GRAMD2A: variants seen among roughly 807,000 people sequenced by gnomAD.
GRAMD2A encodes GRAM domain-containing protein 2A.
In GRAMD2A, 37 loss-of-function variants were observed where a neutral mutation model predicts 51.1. The ratio of observed to expected loss-of-function variants is 0.72; its 90% CI spans 0.56 to 0.95. The LOEUF is 0.95. Ranked by LOEUF, GRAMD2A falls within the 40% of genes least tolerant of loss-of-function variation. GRAMD2A has a pLI of 0.00. For missense variants in GRAMD2A, 414 were observed against 426.9 expected (o/e 0.97, Z 0.27); for synonymous variants, 136 against 157.1 (o/e 0.87, Z 1.01).
chr15:72,171,295 T>C (rs927198455), intron 1 of GRAMD2A, among the ~76,000 whole-genome samples: 12 of 152,032 alleles, frequency 7.9e-5, no homozygotes, highest in East Asian at 3.8e-4. Flanking sequence ...TTTTTTTTTT[T>C]CCCTTGATTT....
chr15:72,172,266 G>A (rs1319600668), intron 1 of GRAMD2A, among the ~76,000 whole-genome samples: 1 of 151,866 alleles, frequency 6.6e-6, no homozygotes, highest in Non-Finnish European at 1.5e-5. Context: ...CTACAGGAAT[G>A]CTCCACCATG....
intron 7 of GRAMD2A, among the ~76,000 whole-genome samples, chr15:72,165,750 T>G (rs2081535869): frequency 6.6e-6 from 1 of 152,192 alleles, no homozygotes; most frequent in Admixed American, 6.5e-5. Flanking sequence ...GTCCCTGACC[T>G]ACGATGGTTC....
chr15:72,164,642 C>T (rs1474820046), intron 8 of GRAMD2A, among the ~76,000 whole-genome samples: 1 of 152,090 alleles, frequency 6.6e-6, no homozygotes, highest in African/African-American at 2.4e-5. Context: ...CGGGCTCAAG[C>T]CATCCTCCTG....
At chr15:72,190,820 A>G (rs149555910) in intron 1 of GRAMD2A, among the ~76,000 whole-genome samples, 13 of 152,296 alleles carry the variant, frequency 8.5e-5, no homozygotes, top group Admixed American at 2.0e-4. Context: ...ATGACCCCCA[A>G]ATGATAGAAA....
At chr15:72,189,896 CA>C (rs2081756192) in intron 1 of GRAMD2A, among the ~76,000 whole-genome samples, 1 of 152,120 alleles carries the variant, frequency 6.6e-6, no homozygotes, top group Admixed American at 6.5e-5. Context: ...GCTTAAAAGA[CA>C]AAACCAAACC....
chr15:72,188,683 G>A (rs2081749470), intron 1 of GRAMD2A, among the ~76,000 whole-genome samples: 1 of 151,546 alleles, frequency 6.6e-6, no homozygotes, highest in Admixed American at 6.6e-5. Context: ...GGTATACTTT[G>A]CCTCAATTTT....
In GRAMD2A at chr15:72,162,267, C is replaced by T. The variant is rs774490183; in HGVS notation, c.1061+6G>A. 6.3e-7 allele frequency: 1 copy of T among 1,599,986 alleles called. No individual in the cohort carries two copies. Among genetic ancestry groups the T allele is most frequent in the South Asian group, 1.1e-5 (1 of 90,642 alleles). On this transcript the variant is annotated splice_donor_region_variant and intron_variant, in intron 11 of 11. Transcript: ENST00000309731. ...TCAAAGGCATTAGAAAGAGAAAAGGCCTCACCTGTGCCCAGGGACTGGGTC... is the reference window on the plus strand; with the variant it reads ...TCAAAGGCATTAGAAAGAGAAAAGGTCTCACCTGTGCCCAGGGACTGGGTC...
chr15:72,171,783 C>A (rs2081612156), intron 1 of GRAMD2A, among the ~76,000 whole-genome samples: 1 of 151,718 alleles, frequency 6.6e-6, no homozygotes, highest in East Asian at 1.9e-4. Context: ...ATTCTTTCTT[C>A]ATTTGTATTG....
intron 1 of GRAMD2A, among the ~76,000 whole-genome samples, chr15:72,192,562 T>C (rs1362546105): frequency 6.6e-6 from 1 of 152,236 alleles, no homozygotes; most frequent in Non-Finnish European, 1.5e-5. Flanking sequence ...CACAGTTGTT[T>C]GGTCAGGCAT....
intron 1 of GRAMD2A, among the ~76,000 whole-genome samples, chr15:72,181,767 G>A (rs935114381): frequency 3.9e-5 from 6 of 152,158 alleles, no homozygotes; most frequent in Admixed American, 1.3e-4. Flanking sequence ...CAACAGTCAC[G>A]AGTTCAGCCT....
At chr15:72,169,693 G>T (rs976255948) in intron 2 of GRAMD2A, 154 bp downstream of exon 2, 2 of 701,066 alleles carry the variant, frequency 2.9e-6, no homozygotes, top group East Asian at 2.6e-5. Flanking sequence ...CTTGAGGGGC[G>T]GGAGGAAGAA....
At chr15:72,172,221 TG>T (rs1218656026) in intron 1 of GRAMD2A, among the ~76,000 whole-genome samples, 1 of 150,796 alleles carries the variant, frequency 6.6e-6, no homozygotes, top group Non-Finnish European at 1.5e-5. Context: ...CGAGCTCATG[TG>T]ATCCTCCCAC....
chr15:72,171,248 G>A (rs911289604), intron 1 of GRAMD2A, among the ~76,000 whole-genome samples: 11 of 151,550 alleles, frequency 7.3e-5, no homozygotes, highest in Non-Finnish European at 1.5e-4. Context: ...TTGATTTCTG[G>A]ATTTATTTGG....
At chr15:72,181,504 G>T (rs913719974) in intron 1 of GRAMD2A, among the ~76,000 whole-genome samples, 1 of 152,220 alleles carries the variant, frequency 6.6e-6, no homozygotes, top group Non-Finnish European at 1.5e-5. Flanking sequence ...GAGAGATCAG[G>T]TGAAAGGCTG....
At chr15:72,195,839 G>A (rs2081801183) in intron 1 of GRAMD2A, among the ~76,000 whole-genome samples, 1 of 152,126 alleles carries the variant, frequency 6.6e-6, no homozygotes, top group African/African-American at 2.4e-5. Flanking sequence ...AGAATCACTT[G>A]AACCCAGGAG....
chr15:72,166,730 G>A lies in GRAMD2A; in HGVS notation c.472-27C>T. ...TGGGACATGGAAAGAAAACAGACAGGGGTAGGGTGAGATGAGACTCCTTGC... is the reference window on the plus strand; with the variant it reads ...TGGGACATGGAAAGAAAACAGACAGAGGTAGGGTGAGATGAGACTCCTTGC... On this transcript the variant is annotated intron_variant, in intron 6 of 11. Coordinates refer to ENST00000309731, the MANE Select transcript of GRAMD2A (RefSeq NM_001012642.3). The surrounding 1 kb of genome is among the most constrained non-coding windows in gnomAD (Gnocchi z 4.1). 1.3e-6 allele frequency: 2 copies of A among 1,593,612 alleles called. No homozygotes were observed. The highest frequency in any genetic ancestry group is 1.7e-6 in the Non-Finnish European group (2 of 1,163,704).
intron 1 of GRAMD2A, among the ~76,000 whole-genome samples, chr15:72,178,853 T>C (rs866702013): frequency 1.4e-4 from 21 of 152,174 alleles, no homozygotes; most frequent in South Asian, 1.0e-3. Context: ...GGATTACAGT[T>C]GTGAGCCACC....
At chr15:72,186,885 G>A (rs981291213) in intron 1 of GRAMD2A, among the ~76,000 whole-genome samples, 1 of 151,902 alleles carries the variant, frequency 6.6e-6, no homozygotes, top group African/African-American at 2.4e-5. Flanking sequence ...AGTGGCTCAT[G>A]TCTGTAATAC....
intron 1 of GRAMD2A, among the ~76,000 whole-genome samples, chr15:72,189,683 T>C (rs546844691): frequency 1.3e-5 from 2 of 152,350 alleles, no homozygotes; most frequent in African/African-American, 4.8e-5. Context: ...GAAAGGAAAG[T>C]ACGTTTTAGT....
Sources: gnomAD v4.1 joint callset for allele counts (sites outside exome capture counted in the v4.1 genomes callset) on GRCh38, gnomAD v4.1.1 for gene constraint, Gnocchi (gnomAD v3.1) non-coding constraint, MANE v1.5 for transcripts, NCBI Gene and HGNC (gene_info 2026-07-23, HGNC 2026-07-21) for gene names.